Variants in TIAM1 observed in about 807,000 individuals in gnomAD.
TIAM1 encodes the protein rho guanine nucleotide exchange factor TIAM1.
A neutral mutation model predicts 163.5 loss-of-function variants in TIAM1; 65 were observed. The ratio of observed to expected loss-of-function variants is 0.40; its 90% CI spans 0.33 to 0.49. The LOEUF is 0.49. TIAM1 is among the 20% of genes least tolerant of loss of function. TIAM1 has a pLI of 0.77. For synonymous variants in TIAM1, 833 were observed against 810.1 expected (o/e 1.03, Z -0.48); for missense variants, 1,789 against 2,044.7 (o/e 0.87, Z 2.41).
intron 1 of TIAM1, among the ~76,000 whole-genome samples, chr21:31,529,041 C>T (rs2047885686): frequency 6.6e-6 from 1 of 150,792 alleles, no homozygotes; most frequent in African/African-American, 2.4e-5. Context: ...CCCACCTCAG[C>T]CTCCCGAGTA....
chr21:31,393,167 G>T (rs981855030), intron 2 of TIAM1, among the ~76,000 whole-genome samples: 10 of 152,012 alleles, frequency 6.6e-5, no homozygotes, highest in African/African-American at 2.4e-4. Flanking sequence ...TGCTGGCCAG[G>T]CTGGTCTCGA....
intron 5 of TIAM1, among the ~76,000 whole-genome samples, chr21:31,250,342 T>A (rs2833350): frequency 6.6e-6 from 1 of 151,954 alleles, no homozygotes; most frequent in South Asian, 2.1e-4. Context: ...TTGGCATTGC[T>A]GGTCTCTGGC....
At chr21:31,123,231 A>T (rs1186582750) in intron 27 of TIAM1, among the ~76,000 whole-genome samples, 1 of 152,224 alleles carries the variant, frequency 6.6e-6, no homozygotes, top group Non-Finnish European at 1.5e-5. Flanking sequence ...TTAACAACTG[A>T]AACAGGTTGA....
intron 8 of TIAM1, among the ~76,000 whole-genome samples, chr21:31,220,637 T>C (rs58221180): frequency 0.023 from 3,529 of 152,348 alleles, 145 homozygotes; most frequent in African/African-American, 0.078. Flanking sequence ...ACAAACACTT[T>C]ACTTAAGTTT....
At chr21:31,264,803 G>A (rs972287059) in intron 4 of TIAM1, among the ~76,000 whole-genome samples, 12 of 152,164 alleles carry the variant, frequency 7.9e-5, no homozygotes, top group Non-Finnish European at 1.5e-4. Flanking sequence ...GGCAATCAGA[G>A]TGCTGACTGC....
chr21:31,291,426 T>A (rs1337619511), intron 2 of TIAM1, among the ~76,000 whole-genome samples: 1 of 152,236 alleles, frequency 6.6e-6, no homozygotes, highest in Non-Finnish European at 1.5e-5. Flanking sequence ...GGAACTCATA[T>A]GGCTATGACC....
At chr21:31,157,198 G>A (rs115097488) in intron 16 of TIAM1, among the ~76,000 whole-genome samples, 39 of 152,290 alleles carry the variant, frequency 2.6e-4, no homozygotes, top group African/African-American at 9.1e-4. Context: ...TGAAATAAAT[G>A]TAAGCCAGAT....
intron 2 of TIAM1, among the ~76,000 whole-genome samples, chr21:31,305,434 A>C (rs1047388691): frequency 2.4e-4 from 37 of 152,194 alleles, no homozygotes; most frequent in African/African-American, 4.6e-4. Flanking sequence ...AAAAAAAAAA[A>C]AAAACAGTTC....
At chr21:31,537,765 A>G (rs1320457687) in intron 1 of TIAM1, among the ~76,000 whole-genome samples, 2 of 152,202 alleles carry the variant, frequency 1.3e-5, no homozygotes, top group South Asian at 4.1e-4. Context: ...GAAAAAAAAA[A>G]AGAGAGAAAA....
At chr21:31,182,969 T>TGGGGC (rs1373174344) in intron 14 of TIAM1, among the ~76,000 whole-genome samples, 2 of 152,192 alleles carry the variant, frequency 1.3e-5, no homozygotes, top group African/African-American at 4.8e-5. Flanking sequence ...CCTACACTTT[T>TGGGGC]GGGGCGGGGC....
At chr21:31,247,811 G>A (rs79915190) in intron 5 of TIAM1, among the ~76,000 whole-genome samples, 2 of 152,226 alleles carry the variant, frequency 1.3e-5, no homozygotes, top group Admixed American at 6.5e-5. Context: ...GGATCTCAAG[G>A]CTTTTCAGGA....
chr21:31,494,015 A>G (rs1284242752), intron 1 of TIAM1, among the ~76,000 whole-genome samples: 1 of 152,162 alleles, frequency 6.6e-6, no homozygotes, highest in Non-Finnish European at 1.5e-5. Context: ...CCCAGGTTCA[A>G]GCAATTCTCA....
At chr21:31,354,282 A>G (rs1488574386) in intron 2 of TIAM1, among the ~76,000 whole-genome samples, 1 of 152,202 alleles carries the variant, frequency 6.6e-6, no homozygotes, top group Non-Finnish European at 1.5e-5. Flanking sequence ...GGCAAGCAAC[A>G]TATTTTAGGG....
intron 2 of TIAM1, among the ~76,000 whole-genome samples, chr21:31,412,211 C>T (rs949670723): frequency 1.4e-4 from 22 of 152,126 alleles, no homozygotes; most frequent in Admixed American, 3.9e-4. Context: ...ACTTCTAAGT[C>T]GGAGCTAAAT....
intron 2 of TIAM1, among the ~76,000 whole-genome samples, chr21:31,355,845 C>A (rs1242849382): frequency 6.6e-6 from 1 of 152,086 alleles, no homozygotes. Context: ...GCACTGCGCG[C>A]CCGGCTATTT....
chr21:31,471,826 G>A (rs1251312812), intron 1 of TIAM1, among the ~76,000 whole-genome samples: 3 of 151,812 alleles, frequency 2.0e-5, no homozygotes, highest in South Asian at 2.1e-4. Context: ...CTGAGATTGC[G>A]CCATTGCATT....
intron 23 of TIAM1, among the ~76,000 whole-genome samples, chr21:31,134,388 C>G (rs897988444): frequency 2.0e-5 from 3 of 152,160 alleles, no homozygotes; most frequent in African/African-American, 7.2e-5. Context: ...GAAAAGAAAG[C>G]AAATACTACT....
chr21:31,522,445 G>A (rs1351536871), intron 1 of TIAM1, among the ~76,000 whole-genome samples: 3 of 151,572 alleles, frequency 2.0e-5, no homozygotes, highest in Non-Finnish European at 4.4e-5. Flanking sequence ...GGGAGGCAGA[G>A]GTTGCGGTGA....
chr21:31,377,223 C>A (rs1177153835), intron 2 of TIAM1, among the ~76,000 whole-genome samples: 1 of 146,910 alleles, frequency 6.8e-6, no homozygotes, highest in Non-Finnish European at 1.5e-5. Flanking sequence ...TAAGAGATGC[C>A]TTTCTGCAAC....
Sources: gnomAD v4.1 joint callset for allele counts (sites outside exome capture counted in the v4.1 genomes callset) on GRCh38, gnomAD v4.1.1 for gene constraint, MANE v1.5 for transcripts, NCBI Gene and HGNC (gene_info 2026-07-23, HGNC 2026-07-21) for gene names.